The following FBP1 variants were observed in gnomAD, a reference collection of about 807,000 sequenced individuals.
The protein encoded by FBP1 is fructose-1,6-bisphosphatase 1.
Under a neutral mutation model 29.9 loss-of-function variants are expected in FBP1, and 22 were observed. The ratio of observed to expected loss-of-function variants is 0.74; its 90% CI spans 0.53 to 1.05. The LOEUF is 1.05. FBP1 is among the 50% of genes least tolerant of loss of function. The pLI, the probability that FBP1 is intolerant of heterozygous loss-of-function variation, is 0.00. For synonymous variants in FBP1, 175 were observed against 178.6 expected, an observed-to-expected ratio of 0.98 and a Z score of 0.16; for missense variants, 345 against 448.2, an observed-to-expected ratio of 0.77 and a Z score of 2.08.
chr9:94,619,416 GT>G (rs907676693), intron 2 of FBP1, among the ~76,000 whole-genome samples: 13 of 151,462 alleles, frequency 8.6e-5, no homozygotes, highest in South Asian at 4.2e-4. Flanking sequence ...AATCTCAGAA[GT>G]TTTTTTTTCT....
chr9:94,633,892 G>T (rs927888250), intron 1 of FBP1, among the ~76,000 whole-genome samples: 44 of 151,530 alleles, frequency 2.9e-4, no homozygotes, highest in African/African-American at 9.9e-4. Context: ...TTTTTTGGTA[G>T]AGACGGGGTT....
At chr9:94,612,702 G>A (rs1440399872) in intron 3 of FBP1, among the ~76,000 whole-genome samples, 11 of 151,422 alleles carry the variant, frequency 7.3e-5, no homozygotes, top group African/African-American at 1.9e-4. Flanking sequence ...GATTACAGGC[G>A]CCCACCACCA....
intron 1 of FBP1, among the ~76,000 whole-genome samples, 163 bp downstream of exon 1, chr9:94,638,978 T>C (rs1054273096): frequency 1.6e-4 from 25 of 152,232 alleles, no homozygotes; most frequent in Admixed American, 1.4e-3. Context: ...AGCCAGCTTC[T>C]GGAGAGAGGG....
At chr9:94,614,368 G>A (rs1587857462) in intron 3 of FBP1, among the ~76,000 whole-genome samples, 2 of 151,220 alleles carry the variant, frequency 1.3e-5, no homozygotes, top group East Asian at 2.0e-4. Flanking sequence ...ATGAAACCCC[G>A]TCTCTACTAA....
At position 94,622,263 on chromosome 9, in the gene FBP1, C is replaced by T. The variant is rs113598749; in HGVS notation, c.171-1772G>A. Among the ~76,000 whole-genome samples the T allele has an allele frequency of 4.8e-3, 738 of 152,322 alleles. 3 individuals are homozygous for T. The highest frequency in any genetic ancestry group is 7.6e-3 in the Non-Finnish European group (519 of 68,028). On this transcript the variant is annotated intron_variant, in intron 1 of 6. Transcript: ENST00000375326. ...GCCCTGAACACAGAAAGGAGGGAGA[C>T]GTCTCACAGGAAGGATGCACAGAGC... is the stretch of plus-strand genomic sequence containing the variant.
At chr9:94,638,577 G>C (rs1277340941) in intron 1 of FBP1, among the ~76,000 whole-genome samples, 1 of 150,008 alleles carries the variant, frequency 6.7e-6, no homozygotes, top group Non-Finnish European at 1.5e-5. Flanking sequence ...CACAAGCCCT[G>C]CTGCTCCTAA....
At chr9:94,621,212 TCAAAAAAAAAAAAA>T (rs1827943218) in intron 1 of FBP1, among the ~76,000 whole-genome samples, 8 of 23,178 alleles carry the variant, frequency 3.5e-4, no homozygotes, top group African/African-American at 1.4e-3. Context: ...AGACTCCGTC[TCAAAAAAAAAAAAA>T]AAAAAAAAAA....
rs755463269 is a variant in FBP1 at position 94,609,933 on chromosome 9, G to A, written c.555C>T (p.Phe185=). ...VLAMDCGVNC[F]MLDPAIGEFI... is the part of the protein sequence containing the mutation. ...TGAGGTCTCTCACCGGGTCCAGCATGAAGCAGTTGACCCCACAGTCCATGG... is the reference window on the plus strand; with the variant it reads ...TGAGGTCTCTCACCGGGTCCAGCATAAAGCAGTTGACCCCACAGTCCATGG... The change falls in exon 4 of 7, where the codon TTC becomes TTT. Residue 185 remains phenylalanine (F), a synonymous_variant. Transcript: ENST00000375326. 1 of 1,614,174 alleles carries A rather than the reference G, an allele frequency of 6.2e-7. No homozygotes were observed. Among genetic ancestry groups the A allele is most frequent in the South Asian group, 1.1e-5 (1 of 91,076 alleles).
At chr9:94,625,915 G>A (rs1435671933) in intron 1 of FBP1, among the ~76,000 whole-genome samples, 1 of 152,160 alleles carries the variant, frequency 6.6e-6, no homozygotes, top group African/African-American at 2.4e-5. Flanking sequence ...CCATGGACAG[G>A]GCTGCCTGCA....
intron 1 of FBP1, among the ~76,000 whole-genome samples, chr9:94,633,943 T>C (rs1339196149): frequency 6.6e-6 from 1 of 151,012 alleles, no homozygotes; most frequent in East Asian, 2.0e-4. Context: ...CCTGACCTCG[T>C]GATCCGCCCG....
At chr9:94,612,619 C>A (rs986386568) in intron 3 of FBP1, among the ~76,000 whole-genome samples, 5 of 142,828 alleles carry the variant, frequency 3.5e-5, no homozygotes, top group East Asian at 2.0e-4. Flanking sequence ...TGCAGTGGCA[C>A]AATCTTGGCT....
At chr9:94,616,712 G>A (rs1410286276) in intron 3 of FBP1, among the ~76,000 whole-genome samples, 2 of 152,094 alleles carry the variant, frequency 1.3e-5, no homozygotes, top group Admixed American at 1.3e-4. Flanking sequence ...GATTACAGGC[G>A]TGAGCCACCG....
At chr9:94,631,319 TAAAG>T (rs1170631801) in intron 1 of FBP1, among the ~76,000 whole-genome samples, 1 of 152,196 alleles carries the variant, frequency 6.6e-6, no homozygotes, top group Non-Finnish European at 1.5e-5. Flanking sequence ...CTGAAAAATT[TAAAG>T]AGCTCTAAGT....
chr9:94,610,956 C>A (rs901007749), intron 3 of FBP1, among the ~76,000 whole-genome samples: 1 of 151,830 alleles, frequency 6.6e-6, no homozygotes, highest in African/African-American at 2.4e-5. Context: ...CTCCGCCTCG[C>A]GGGTTCACAC....
chr9:94,629,409 C>T (rs1828071102), intron 1 of FBP1, among the ~76,000 whole-genome samples: 2 of 152,230 alleles, frequency 1.3e-5, no homozygotes, highest in Non-Finnish European at 2.9e-5. Context: ...AAAACCACAG[C>T]TGCTTGGAAG....
intron 1 of FBP1, among the ~76,000 whole-genome samples, chr9:94,633,800 A>T (rs866368556): frequency 3.3e-5 from 5 of 151,376 alleles, no homozygotes; most frequent in Admixed American, 6.6e-5. Flanking sequence ...CGCCTCCCAG[A>T]TTCACAACAT....
rs375155560 is a variant in FBP1, at chr9:94,617,877, G to A, written c.334-17C>T. The A allele has an allele frequency of 3.2e-6, 5 of 1,562,974 alleles. No homozygotes were observed. Among genetic ancestry groups the A allele is most frequent in the Admixed American group, 1.7e-5 (1 of 59,908 alleles). On this transcript the variant is annotated splice_polypyrimidine_tract_variant and intron_variant, in intron 2 of 6. Transcript: ENST00000375326. Reference sequence around the variant, plus strand: ...ATATTTACCCTGAGCACAGAAAAAAGAAATACAACCTTAAAATGTTATAGC... The same window carrying A: ...ATATTTACCCTGAGCACAGAAAAAAAAAATACAACCTTAAAATGTTATAGC...
At chr9:94,633,912 TGGC>T (rs1828149407) in intron 1 of FBP1, among the ~76,000 whole-genome samples, 1 of 151,288 alleles carries the variant, frequency 6.6e-6, no homozygotes, top group Non-Finnish European at 1.5e-5. Context: ...TTCACCGTGT[TGGC>T]CAGGATGGTC....
Sources: gnomAD v4.1 joint callset for allele counts (sites outside exome capture counted in the v4.1 genomes callset) on GRCh38, gnomAD v4.1.1 for gene constraint, MANE v1.5 for transcripts, NCBI Gene and HGNC (gene_info 2026-07-23, HGNC 2026-07-21) for gene names.